The following COL27A1 variants were observed in gnomAD, a reference collection of about 807,000 sequenced individuals.
COL27A1 encodes the protein collagen alpha-1(XXVII) chain.
COL27A1 carries 106 observed loss-of-function variants against 251.3 expected under a neutral mutation model. The observed-to-expected ratio is 0.42, with a 90% confidence interval of 0.36 to 0.50. The LOEUF (loss-of-function observed/expected upper bound fraction) is 0.50. COL27A1 is among the 20% of genes least tolerant of loss of function. The pLI, the probability that COL27A1 is intolerant of heterozygous loss-of-function variation, is 0.00. For missense variants in COL27A1, 2,325 were observed against 2,522.8 expected (o/e 0.92, Z 1.68); for synonymous variants, 1,000 against 986.3 (o/e 1.01, Z -0.26).
intron 2 of COL27A1, among the ~76,000 whole-genome samples, chr9:114,164,230 C>T (rs1043718968): frequency 6.6e-6 from 1 of 152,306 alleles, no homozygotes; most frequent in Non-Finnish European, 1.5e-5. Flanking sequence ...CAAGTGAGAT[C>T]ATGCCTGTAA....
intron 57 of COL27A1, among the ~76,000 whole-genome samples, chr9:114,305,987 G>T (rs745328773): frequency 5.1e-4 from 77 of 152,286 alleles, no homozygotes; most frequent in Non-Finnish European, 1.0e-3. Flanking sequence ...CGGCTGTTTA[G>T]CATCTGTGGT....
chr9:114,290,032 C>G lies in COL27A1; in HGVS notation c.4207-26C>G. ...GTCCCACACCTCTACCAGGCAGCCT[C>G]CATCATGTGGCCCTTGATTTTTCAG... On this transcript the variant is annotated intron_variant, in intron 45 of 60. Transcript: ENST00000356083. The surrounding 1 kb of genome is among the most constrained non-coding windows in gnomAD (Gnocchi z 4.6). 6.2e-7 allele frequency: 1 copy of G among 1,611,512 alleles called. No homozygotes were observed. Among genetic ancestry groups the G allele is most frequent in the Non-Finnish European group, 8.5e-7 (1 of 1,179,904 alleles).
At position 114,311,942 on chromosome 9, in the gene COL27A1, A is replaced by AAAT. The variant is rs1218086211; in HGVS notation, c.*1248_*1250dup. 6.6e-6 allele frequency: 1 copy of AAAT among 152,202 alleles called. No individual in the cohort carries two copies. The highest frequency in any genetic ancestry group is 1.5e-5 in the Non-Finnish European group (1 of 68,036). 9.4% of individuals were successfully genotyped at this position (152,202 alleles called of 1,614,324 possible). A position where few individuals can be genotyped will look rare whatever the true frequency, so the allele number is the denominator to read the frequency against. ...TCGTTCCTGCTTTTTCATTGTCATT[A>AAAT]AATTCTGTAGAAACCCATTGTCATT... is the stretch of plus-strand genomic sequence containing the variant. On this transcript the variant is annotated 3_prime_UTR_variant, in exon 61 of 61. Transcript: ENST00000356083.
chr9:114,226,183 A>G (rs1212500180), intron 14 of COL27A1, among the ~76,000 whole-genome samples: 1 of 152,216 alleles, frequency 6.6e-6, no homozygotes, highest in African/African-American at 2.4e-5. Flanking sequence ...ATGAGACCCA[A>G]AGAACATGTG....
intron 32 of COL27A1, among the ~76,000 whole-genome samples, chr9:114,265,837 G>C (rs1267709818): frequency 6.6e-6 from 1 of 152,246 alleles, no homozygotes; most frequent in Non-Finnish European, 1.5e-5. Flanking sequence ...GCAGAGTCCA[G>C]CATGGCTGAA....
At chr9:114,205,890 G>T in intron 9 of COL27A1, 78 bp downstream of exon 9, 1 of 1,374,438 alleles carries the variant, frequency 7.3e-7, no homozygotes. Flanking sequence ...GCAGAGGGAG[G>T]TGGTGGGCTG....
chr9:114,237,118 A>G, intron 18 of COL27A1, 84 bp downstream of exon 18: 1 of 1,332,822 alleles, frequency 7.5e-7, no homozygotes, highest in Non-Finnish European at 1.0e-6. Flanking sequence ...TTCACCTCCA[A>G]GACTTCATTT....
chr9:114,271,005 C>T (rs1385071950), intron 36 of COL27A1: 2 of 523,344 alleles, frequency 3.8e-6, no homozygotes, highest in African/African-American at 4.0e-5. Context: ...CCATCACCAC[C>T]TTCCAGTCTT....
At position 114,237,007 on chromosome 9, in the gene COL27A1, C is replaced by A; in HGVS notation, c.2646C>A (p.Pro882=). ...DKGSQGLPGF[P]GARGKPGPLG... ...GGAGCCAGGGGTTGCCAGGGTTCCC[C>A]GGTGCACGGGGGAAGCCAGGGCCTC... Residue 882 remains proline, a synonymous_variant, in exon 18 of 61, where the codon CCC becomes CCA. Coordinates refer to ENST00000356083, the MANE Select transcript of COL27A1 (RefSeq NM_032888.4). The A allele has an allele frequency of 6.2e-7, 1 of 1,612,018 alleles. No homozygotes were observed. The highest frequency in any genetic ancestry group is 8.5e-7 in the Non-Finnish European group (1 of 1,179,018).
At chr9:114,158,959 C>G (rs73557944) in intron 1 of COL27A1, among the ~76,000 whole-genome samples, 1 of 152,218 alleles carries the variant, frequency 6.6e-6, no homozygotes, top group East Asian at 1.9e-4. Flanking sequence ...GCCTCAGTTA[C>G]GCATCTTTTC....
rs142957409 is a variant in COL27A1, at chr9:114,237,712, C to T, written c.2724C>T (p.Pro908=). 102 of 1,613,706 alleles carry T rather than the reference C, an allele frequency of 6.3e-5. No homozygotes were observed. The African/African-American group carries it at 1.2e-3, about 19-fold the overall frequency. ...GSIGFPGPPG[P]EGFPGDIGPP... is the part of the protein sequence containing the mutation. The stretch of plus-strand genomic sequence containing the variant: ...TTGGGTTTCCCGGGCCCCCTGGACC[C>T]GAGGTATGTGATGCCCCATTTCTCC... Residue 908 remains proline (P), a synonymous_variant, in exon 19 of 61, where the codon CCC becomes CCT. Transcript: ENST00000356083.
chr9:114,234,425 A>G (rs977388311), intron 16 of COL27A1, among the ~76,000 whole-genome samples: 4 of 151,980 alleles, frequency 2.6e-5, no homozygotes, highest in Admixed American at 6.6e-5. Flanking sequence ...TTTTCTCCCC[A>G]TTCTTCCTCC....
intron 2 of COL27A1, 43 bp from the exon 3 acceptor site, chr9:114,167,646 G>A (rs1314772068): frequency 1.6e-5 from 24 of 1,535,634 alleles, no homozygotes; most frequent in Non-Finnish European, 2.1e-5. Flanking sequence ...GTGGGCTGGA[G>A]CAGGCCCTGA....
intron 12 of COL27A1, among the ~76,000 whole-genome samples, chr9:114,216,369 T>C (rs1316372622): frequency 6.6e-6 from 1 of 152,220 alleles, no homozygotes; most frequent in Non-Finnish European, 1.5e-5. Context: ...TGGGCATGCA[T>C]GCCATGTGGT....
chr9:114,289,302 G>A lies in COL27A1; in HGVS notation c.4206+7G>A, dbSNP rs1169622891. 3 of 1,580,390 alleles carry A rather than the reference G, an allele frequency of 1.9e-6. No individual in the cohort carries two copies. The highest frequency in any genetic ancestry group is 2.3e-5 in the East Asian group (1 of 43,966). On this transcript the variant is annotated splice_region_variant and intron_variant, in intron 45 of 60. Coordinates refer to ENST00000356083, the MANE Select transcript of COL27A1 (RefSeq NM_032888.4). The stretch of plus-strand genomic sequence containing the variant: ...AGGATCGAAAGGCGCAGAGGTAAGA[G>A]GGCCGGGGGTTCAGCAGGGAGACTG...
chr9:114,225,827 G>A (rs1831432411), intron 14 of COL27A1, among the ~76,000 whole-genome samples: 1 of 152,216 alleles, frequency 6.6e-6, no homozygotes, highest in South Asian at 2.1e-4. Flanking sequence ...GCAGCCGGGA[G>A]GAAGGGCGTG....
intron 10 of COL27A1, among the ~76,000 whole-genome samples, chr9:114,206,638 G>A (rs564844668): frequency 6.6e-6 from 1 of 152,290 alleles, no homozygotes; most frequent in African/African-American, 2.4e-5. Flanking sequence ...GCCTGTCGTC[G>A]AATCTTCAGA....
At chr9:114,205,859 G>A in intron 9 of COL27A1, 47 bp downstream of exon 9, 1 of 1,548,672 alleles carries the variant, frequency 6.5e-7, no homozygotes, top group Non-Finnish European at 8.8e-7. Context: ...GTGATGTGAA[G>A]ATGGCCACAG....
chr9:114,308,104 A>C (rs772844973), intron 59 of COL27A1, among the ~76,000 whole-genome samples: 6 of 152,004 alleles, frequency 3.9e-5, no homozygotes, highest in Non-Finnish European at 7.3e-5. Context: ...GAAATAAAAG[A>C]GAAAACTAGC....
Sources: allele counts gnomAD v4.1 joint callset (sites outside exome capture counted in the v4.1 genomes callset), GRCh38; gene constraint gnomAD v4.1.1; non-coding constraint Gnocchi (gnomAD v3.1); transcripts MANE v1.5; gene names NCBI Gene and HGNC (gene_info 2026-07-23, HGNC 2026-07-21).